The following ABCA6 variants were observed in gnomAD, a reference collection of about 807,000 sequenced individuals.
ABCA6 encodes the protein ATP-binding cassette sub-family A member 6.
In ABCA6, 164 loss-of-function variants were observed where a neutral mutation model predicts 191.2. The observed-to-expected ratio is 0.86, with a 90% CI of 0.76 to 0.98. The LOEUF (loss-of-function observed/expected upper bound fraction) is 0.98. ABCA6 is among the 50% of genes least tolerant of loss of function. The probability of loss-of-function intolerance (pLI) is 0.00; values close to 1 mark genes in which losing one functional copy is unlikely to be tolerated. For missense variants in ABCA6, 1,958 were observed against 1,894.1 expected, an observed-to-expected ratio of 1.03 and a Z score of -0.63; for synonymous variants, 636 against 647.7, an observed-to-expected ratio of 0.98 and a Z score of 0.27.
In ABCA6 at chr17:69,115,385, G is replaced by A. The variant is rs762365378; in HGVS notation, c.1597C>T (p.Pro533Ser). 6.2e-6 allele frequency: 10 copies of A among 1,606,180 alleles called. No individual in the cohort carries two copies. The African/African-American group carries it at 6.7e-5, about 11-fold the overall frequency. ...LLNILNGLSV[P>S]TEGSVTIYNK... ...ATTTCTTTTTACTCACCTTCTGTTG[G>A]AACAGACAATCCATTAAGAATATTT... Residue 533 changes from proline to serine, a missense_variant, in exon 12 of 39, where the codon CCA becomes TCA. Pro to Ser is a moderately conservative substitution (Grantham distance 74). Transcript: ENST00000284425.
intron 11 of ABCA6, 29 bp downstream of exon 11, chr17:69,117,869 G>T: frequency 2.0e-6 from 3 of 1,483,424 alleles, no homozygotes; most frequent in Non-Finnish European, 1.9e-6. Flanking sequence ...AGAAGTGAAA[G>T]AATGAAATTT....
At position 69,113,605 on chromosome 17, in the gene ABCA6, T is replaced by C; in HGVS notation, c.1902+13A>G. 6.2e-7 allele frequency: 1 copy of C among 1,612,798 alleles called. No individual in the cohort carries two copies. Among genetic ancestry groups the C allele is most frequent in the Non-Finnish European group, 8.5e-7 (1 of 1,179,238 alleles). The stretch of plus-strand genomic sequence containing the variant: ...TTCGACCTGCTTCCTTCCCCATGCA[T>C]AATCTCACTTACTTGAGGATCTCCT... On this transcript the variant is annotated intron_variant, in intron 14 of 38. Coordinates refer to ENST00000284425, the MANE Select transcript of ABCA6 (RefSeq NM_080284.3).
rs763625796 is a variant in ABCA6 at position 69,128,811 on chromosome 17, G to A, written c.934-7C>T. On this transcript the variant is annotated splice_region_variant and splice_polypyrimidine_tract_variant and intron_variant, in intron 7 of 38. Transcript: ENST00000284425. The stretch of plus-strand genomic sequence containing the variant: ...TCAGGAACACCAAAGCTACCTGCAA[G>A]AGAGAGAAGACATTCAGCTGTTATA... 2 of 1,573,804 alleles carry A rather than the reference G, an allele frequency of 1.3e-6. No individual in the cohort carries two copies. Among genetic ancestry groups the A allele is most frequent in the Non-Finnish European group, 1.7e-6 (2 of 1,161,312 alleles).
chr17:69,105,968 C>T (rs2073292426), intron 19 of ABCA6, 60 bp downstream of exon 19: 24 of 1,490,764 alleles, frequency 1.6e-5, no homozygotes, highest in Non-Finnish European at 2.0e-5. Flanking sequence ...AAATTATCTT[C>T]TGGTTTGAAC....
chr17:69,083,108 A>T lies in ABCA6; in HGVS notation c.4476-95T>A, dbSNP rs2072682062. On this transcript the variant is annotated intron_variant, in intron 35 of 38. Coordinates refer to ENST00000284425, the MANE Select transcript of ABCA6 (RefSeq NM_080284.3). ...CAAATGTAGAAGAAAAGGTGTCACC[A>T]AGGAAGCCAAACGGAAGGGCTCCAG... 4.4e-6 allele frequency: 7 copies of T among 1,575,002 alleles called. No individual in the cohort carries two copies. In the Admixed American group the frequency reaches 7.2e-5, roughly 16 times the overall value.
At position 69,091,253 on chromosome 17, in the gene ABCA6, T is replaced by C. The variant is rs568291044; in HGVS notation, c.3418A>G (p.Ile1140Val). ...TTGATTAAAGTGATGGAAAACATGA[T>C]GGTGGAGGCCTACAAGGCAAGTTCA... is the stretch of plus-strand genomic sequence containing the variant. ...WSFYFFFAST[I>V]MFSITLINHF... Residue 1140 changes from isoleucine (I) to valine (V), a missense_variant, in exon 26 of 39, where the codon ATC becomes GTC. Physicochemically the swap from Ile to Val is conservative, Grantham distance 29 (BLOSUM62 3). Coordinates refer to ENST00000284425, the MANE Select transcript of ABCA6 (RefSeq NM_080284.3). 251 of 1,611,038 alleles carry C rather than the reference T, an allele frequency of 1.6e-4. 2 individuals carry two copies. The highest frequency in any genetic ancestry group is 2.0e-4 in the Non-Finnish European group (230 of 1,179,408).
Position 69,085,671 on chromosome 17 carries a change from G to T in ABCA6, c.3983C>A (p.Ser1328Ter). The T allele has an allele frequency of 2.5e-6, 4 of 1,612,568 alleles. No homozygotes were observed. The highest frequency in any genetic ancestry group is 3.4e-6 in the Non-Finnish European group (4 of 1,179,250). The change falls in exon 31 of 39, where the codon TCA becomes TAA. Residue 1328 changes from serine (S) to a stop codon, truncating the protein, a stop_gained. Transcript: ENST00000284425. LOFTEE classifies it high-confidence loss of function. ...GATCCCAGATATCATTCTAATAGAT[G>T]AACTTTTTCCAGCACCATTGGGTCC... Reference protein sequence around the residue: ...LLGPNGAGKSSSIRMISGITK... With the variant: ...LLGPNGAGKS
In ABCA6 at chr17:69,088,259, C is replaced by CTA. The variant is rs747882875; in HGVS notation, c.3607-3_3607-2dup. The CTA allele has an allele frequency of 6.2e-7, 1 of 1,600,066 alleles. No individual in the cohort carries two copies. Among genetic ancestry groups the CTA allele is most frequent in the Admixed American group, 1.7e-5 (1 of 58,932 alleles). On this transcript the variant is annotated splice_acceptor_variant, in intron 27 of 38. Transcript: ENST00000284425. LOFTEE classifies it high-confidence loss of function. The stretch of plus-strand genomic sequence containing the variant: ...CGAATAGCAAAGTCTGAAAGTAGGG[C>CTA]TATGAGCAAAGAAATACAGTTATAT...
chr17:69,081,210 A>G (rs1056125049), intron 36 of ABCA6, 65 bp from the exon 37 acceptor site: 18 of 777,608 alleles, frequency 2.3e-5, no homozygotes, highest in Middle Eastern at 2.3e-4. Flanking sequence ...CATCAGAATA[A>G]ATATTGATAT....
rs1308717400 is a variant in ABCA6, at chr17:69,100,816, T to C, written c.2993A>G (p.Glu998Gly). ...ACTTACAAGAGGAAATGGGCTTGACTCAATTCGAATATGTTGTGTGTGATT... is the reference window on the plus strand; with the variant it reads ...ACTTACAAGAGGAAATGGGCTTGACCCAATTCGAATATGTTGTGTGTGATT... ...MFNHTQHIRI[E>G]SSPFPLSHIG... Residue 998 changes from glutamate to glycine, a missense_variant, in exon 22 of 39, where the codon GAG (glutamate) becomes GGG (glycine). Transcript: ENST00000284425. 1 of 1,610,448 alleles carries C rather than the reference T, an allele frequency of 6.2e-7. No individual in the cohort carries two copies. Among genetic ancestry groups the C allele is most frequent in the Non-Finnish European group, 8.5e-7 (1 of 1,178,700 alleles).
intron 8 of ABCA6, among the ~76,000 whole-genome samples, chr17:69,127,060 C>T (rs917343033): frequency 4.6e-5 from 7 of 152,134 alleles, no homozygotes; most frequent in African/African-American, 1.7e-4. Context: ...AAAGGATAGT[C>T]TAGTTGATAA....
In ABCA6 at chr17:69,115,377, TTC is replaced by T. The variant is rs2073517786; in HGVS notation, c.1603_1604del (p.Glu535ArgfsTer7). 1.2e-6 allele frequency: 2 copies of T among 1,602,910 alleles called. No homozygotes were observed. Among genetic ancestry groups the T allele is most frequent in the Non-Finnish European group, 1.7e-6 (2 of 1,174,254 alleles). On this transcript the variant is annotated frameshift_variant and splice_region_variant, in exon 12 of 39. Transcript: ENST00000284425. LOFTEE classifies it high-confidence loss of function. ...TTTGAGAAATTTCTTTTTACTCACC[TTC>T]TGTTGGAACAGACAATCCATTAAGA... Reference protein sequence around the residue: ...NILNGLSVPTEGSVTIYNKNL... With the variant: ...NILNGLSVPTXGSVTIYNKNL...
At position 69,105,598 on chromosome 17, in the gene ABCA6, A is replaced by G. The variant is rs752821444; in HGVS notation, c.2604T>C (p.Pro868=). The change falls in exon 20 of 39, where the codon CCT becomes CCC. Residue 868 remains proline (P), a synonymous_variant. Transcript: ENST00000284425. ...CATACATTATATTTTCAACAATCAA[A>G]GGGAATATTGCGATTCCAAATACCA... ...LLLVFGIAIF[P]LIVENIMYAM... is the part of the protein sequence containing the mutation. 6 of 1,537,254 alleles carry G rather than the reference A, an allele frequency of 3.9e-6. No individual in the cohort carries two copies. The highest frequency in any genetic ancestry group is 5.4e-6 in the Non-Finnish European group (6 of 1,117,414).
Position 69,141,745 on chromosome 17 carries a change from T to G in ABCA6, c.-46A>C, listed in dbSNP as rs1018990528. On this transcript the variant is annotated splice_region_variant and 5_prime_UTR_variant, in exon 1 of 39. Transcript: ENST00000284425. ...CACAACAAAATAGAGCTTTACTTACTGTCAGGAAAATAATAAAAAGCACTC... is the reference window on the plus strand; with the variant it reads ...CACAACAAAATAGAGCTTTACTTACGGTCAGGAAAATAATAAAAAGCACTC... 6.6e-6 allele frequency: 1 copy of G among 152,112 alleles called. No homozygotes were observed. Among genetic ancestry groups the G allele is most frequent in the Non-Finnish European group, 1.5e-5 (1 of 68,010 alleles). 9.4% of individuals were successfully genotyped at this position (152,112 alleles called of 1,614,324 possible). A position where few individuals can be genotyped will look rare whatever the true frequency, so the allele number is the denominator to read the frequency against.
chr17:69,105,905 T>C (rs2073291237), intron 19 of ABCA6, 123 bp downstream of exon 19: 1 of 1,083,084 alleles, frequency 9.2e-7, no homozygotes, highest in Admixed American at 2.8e-5. Flanking sequence ...AAAAATTAAA[T>C]GCTGAATTTA....
At position 69,133,868 on chromosome 17, in the gene ABCA6, C is replaced by T; in HGVS notation, c.565-1G>A. 10 of 1,559,386 alleles carry T rather than the reference C, an allele frequency of 6.4e-6. No individual in the cohort carries two copies. Among genetic ancestry groups the T allele is most frequent in the Non-Finnish European group, 8.7e-6 (10 of 1,147,262 alleles). The stretch of plus-strand genomic sequence containing the variant: ...CCATCACAGGGTGATTGGTTGTGAT[C>T]TAAAGTAGAGTTTAAACAAACATAA... On this transcript the variant is annotated splice_acceptor_variant, in intron 5 of 38. Coordinates refer to ENST00000284425, the MANE Select transcript of ABCA6 (RefSeq NM_080284.3). LOFTEE classifies it high-confidence loss of function.
chr17:69,128,586 T>C, intron 8 of ABCA6, 33 bp downstream of exon 8: 1 of 1,551,568 alleles, frequency 6.4e-7, no homozygotes, highest in Non-Finnish European at 8.8e-7. Flanking sequence ...TCTTTTGAAA[T>C]TTCAGTAATA....
Position 69,089,462 on chromosome 17 carries a change from T to C in ABCA6, c.3606+3A>G. The C allele has an allele frequency of 1.2e-6, 2 of 1,613,464 alleles. No individual in the cohort carries two copies. The highest frequency in any genetic ancestry group is 2.2e-5 in the East Asian group (1 of 44,834). ...GTGTGCTGAGGTGGAAAGCCCTTCT[T>C]ACTATGAAGCAGACTAGAAAATCAG... On this transcript the variant is annotated splice_donor_region_variant and intron_variant, in intron 27 of 38. Coordinates refer to ENST00000284425, the MANE Select transcript of ABCA6 (RefSeq NM_080284.3).
Position 69,081,088 on chromosome 17 carries a change from C to T in ABCA6, c.4674G>A (p.Gln1558=). 2 of 1,602,910 alleles carry T rather than the reference C, an allele frequency of 1.2e-6. No individual in the cohort carries two copies. Among genetic ancestry groups the T allele is most frequent in the Non-Finnish European group, 1.7e-6 (2 of 1,174,586 alleles). The change falls in exon 37 of 39, where the codon CAG becomes CAA. Residue 1558 remains glutamine, a synonymous_variant. Coordinates refer to ENST00000284425, the MANE Select transcript of ABCA6 (RefSeq NM_080284.3). ...TACCTGCTTCTAATTTGTGAAAGGT[C>T]TGTGATAGAGGGTAAACGTCTGCCA... The part of the protein sequence containing the change: ...LPVADVYPLS[Q]TFHKLEAVKH...
Sources: allele counts gnomAD v4.1 joint callset (sites outside exome capture counted in the v4.1 genomes callset), GRCh38; gene constraint gnomAD v4.1.1; transcripts MANE v1.5; gene names NCBI Gene and HGNC (gene_info 2026-07-23, HGNC 2026-07-21).